Variants in DDR2 observed in about 807,000 individuals in gnomAD.
The protein encoded by DDR2 is discoidin domain receptor tyrosine kinase 2.
Under a neutral mutation model 94.9 loss-of-function variants are expected in DDR2, and 27 were observed. The observed-to-expected ratio is 0.28, with a 90% CI of 0.21 to 0.39. The LOEUF (loss-of-function observed/expected upper bound fraction) is 0.39. Among genes scored for constraint, DDR2 ranks in the 10% least tolerant of loss-of-function variants. DDR2 has a pLI of 1.00. For missense variants in DDR2, 783 were observed against 1,076.0 expected (o/e 0.73, Z 3.81); for synonymous variants, 382 against 377.2 (o/e 1.01, Z -0.15).
At chr1:162,665,738 A>G (rs1231293396) in intron 2 of DDR2, among the ~76,000 whole-genome samples, 1 of 152,178 alleles carries the variant, frequency 6.6e-6, no homozygotes, top group Middle Eastern at 3.2e-3. Flanking sequence ...TCCTTTGTTT[A>G]TGGTCTGTTA....
At chr1:162,716,106 T>G (rs1211416788) in intron 2 of DDR2, among the ~76,000 whole-genome samples, 1 of 152,162 alleles carries the variant, frequency 6.6e-6, no homozygotes, top group Non-Finnish European at 1.5e-5. Context: ...AACAATGTTG[T>G]GAAGGATCCA....
At chr1:162,710,662 G>T (rs529040256) in intron 2 of DDR2, among the ~76,000 whole-genome samples, 2 of 152,184 alleles carry the variant, frequency 1.3e-5, no homozygotes, top group South Asian at 4.2e-4. Flanking sequence ...GCCCTGAATG[G>T]CCCCTGAATT....
chr1:162,745,364 T>C (rs1051717641), intron 3 of DDR2, among the ~76,000 whole-genome samples: 2 of 152,236 alleles, frequency 1.3e-5, no homozygotes, highest in Non-Finnish European at 2.9e-5. Flanking sequence ...GTTTTTGCTT[T>C]TGTTGCTTAT....
At chr1:162,672,639 G>A (rs961179754) in intron 2 of DDR2, among the ~76,000 whole-genome samples, 12 of 152,088 alleles carry the variant, frequency 7.9e-5, no homozygotes, top group Non-Finnish European at 1.5e-4. Flanking sequence ...TTGACCAAAT[G>A]TTTTGATGGT....
intron 14 of DDR2, among the ~76,000 whole-genome samples, chr1:162,773,966 A>G (rs1416506746): frequency 1.3e-5 from 2 of 152,206 alleles, no homozygotes; most frequent in South Asian, 2.1e-4. Flanking sequence ...AGAATCACAC[A>G]TGACTTTCTT....
At chr1:162,701,763 G>A (rs575981561) in intron 2 of DDR2, among the ~76,000 whole-genome samples, 1 of 152,298 alleles carries the variant, frequency 6.6e-6, no homozygotes, top group South Asian at 2.1e-4. Flanking sequence ...TTTTTAGGGT[G>A]TTCCCTCTTA....
intron 2 of DDR2, among the ~76,000 whole-genome samples, chr1:162,696,220 A>G (rs1484248118): frequency 6.6e-6 from 1 of 151,514 alleles, no homozygotes; most frequent in Non-Finnish European, 1.5e-5. Flanking sequence ...TTTTTAAAAA[A>G]AAAACAAAAA....
chr1:162,646,437 G>A (rs1346989136), intron 1 of DDR2, among the ~76,000 whole-genome samples: 1 of 152,124 alleles, frequency 6.6e-6, no homozygotes, highest in East Asian at 1.9e-4. Context: ...CTTTACATAT[G>A]TAATCTCATG....
intron 1 of DDR2, among the ~76,000 whole-genome samples, chr1:162,642,060 C>T (rs1405250043): frequency 1.3e-5 from 2 of 152,088 alleles, no homozygotes; most frequent in Non-Finnish European, 2.9e-5. Flanking sequence ...AAGCCATTCT[C>T]CATCCTCCTG....
At chr1:162,777,306 A>G (rs1647622187) in intron 16 of DDR2, among the ~76,000 whole-genome samples, 1 of 152,088 alleles carries the variant, frequency 6.6e-6, no homozygotes, top group South Asian at 2.1e-4. Context: ...ATATTACATA[A>G]TTGGGATGAC....
At chr1:162,748,557 G>T (rs1395083361) in intron 3 of DDR2, among the ~76,000 whole-genome samples, 1 of 152,162 alleles carries the variant, frequency 6.6e-6, no homozygotes. Context: ...ATCATAATGG[G>T]AGATTTTAAC....
intron 9 of DDR2, among the ~76,000 whole-genome samples, chr1:162,762,801 A>G (rs747156842): frequency 6.6e-6 from 1 of 152,046 alleles, no homozygotes; most frequent in Non-Finnish European, 1.5e-5. Context: ...CTTTTTATCA[A>G]TTTAATGCTT....
At chr1:162,748,453 A>G (rs1275130478) in intron 3 of DDR2, among the ~76,000 whole-genome samples, 6 of 152,372 alleles carry the variant, frequency 3.9e-5, no homozygotes, top group African/African-American at 9.6e-5. Flanking sequence ...AGAGCTAACT[A>G]TCCTAAATAT....
chr1:162,704,662 G>A (rs775993882), intron 2 of DDR2, among the ~76,000 whole-genome samples: 15 of 152,120 alleles, frequency 9.9e-5, no homozygotes, highest in African/African-American at 1.9e-4. Context: ...GCATCTCTGC[G>A]GGGTCTCTTT....
intron 2 of DDR2, among the ~76,000 whole-genome samples, chr1:162,718,305 T>C (rs943656036): frequency 6.6e-6 from 1 of 152,204 alleles, no homozygotes; most frequent in African/African-American, 2.4e-5. Context: ...CTGTCTCCTT[T>C]TATTGAAGAA....
chr1:162,633,749 C>T (rs971921267), intron 1 of DDR2, among the ~76,000 whole-genome samples: 1 of 152,098 alleles, frequency 6.6e-6, no homozygotes, highest in African/African-American at 2.4e-5. Flanking sequence ...AATGGCGGCT[C>T]ATCAGCTAAT....
At chr1:162,728,916 A>G (rs781537858) in intron 3 of DDR2, among the ~76,000 whole-genome samples, 2 of 152,182 alleles carry the variant, frequency 1.3e-5, no homozygotes, top group East Asian at 3.9e-4. Flanking sequence ...CACTTTGCTC[A>G]TTTATAACAT....
intron 1 of DDR2, among the ~76,000 whole-genome samples, chr1:162,646,587 A>G (rs1657419106): frequency 6.6e-6 from 1 of 152,200 alleles, no homozygotes; most frequent in South Asian, 2.1e-4. Context: ...TGCAACGCCC[A>G]AGCCTTACAC....
intron 13 of DDR2, among the ~76,000 whole-genome samples, chr1:162,772,700 AG>A (rs1473515241): frequency 6.6e-6 from 1 of 152,162 alleles, no homozygotes; most frequent in Non-Finnish European, 1.5e-5. Flanking sequence ...ATCAGCCACT[AG>A]GGAATGAATC....
Sources: gnomAD v4.1 joint callset for allele counts (sites outside exome capture counted in the v4.1 genomes callset) on GRCh38, gnomAD v4.1.1 for gene constraint, MANE v1.5 for transcripts, NCBI Gene and HGNC (gene_info 2026-07-23, HGNC 2026-07-21) for gene names.